The following WWOX variants were observed in gnomAD, a reference collection of about 807,000 sequenced individuals.
WWOX encodes WW domain-containing oxidoreductase.
In WWOX, 69 loss-of-function variants were observed where a neutral mutation model predicts 46.2. The ratio of observed to expected loss-of-function variants is 1.49; its 90% CI spans 1.23 to 1.82. The LOEUF (loss-of-function observed/expected upper bound fraction) is 1.82, where lower values mean the gene tolerates loss of function less well. Among genes scored for constraint, WWOX ranks in the 40% most tolerant of loss-of-function variants. WWOX has a pLI of 0.00. For synonymous variants in WWOX, 359 were observed against 202.6 expected (o/e 1.77, Z -6.56); for missense variants, 919 against 542.6 (o/e 1.69, Z -6.89).
At chr16:78,326,787 C>T (rs1008524717) in intron 5 of WWOX, among the ~76,000 whole-genome samples, 2 of 149,428 alleles carry the variant, frequency 1.3e-5, no homozygotes, top group African/African-American at 4.9e-5. Context: ...ACTTAAAATG[C>T]AGATATAACT....
chr16:78,481,762 T>TGCGC (rs200025808), intron 8 of WWOX, among the ~76,000 whole-genome samples: 54 of 147,270 alleles, frequency 3.7e-4, no homozygotes, highest in African/African-American at 1.4e-3. Context: ...TGTGTGTGTG[T>TGCGC]GTGCGCGCGC....
intron 8 of WWOX, among the ~76,000 whole-genome samples, chr16:78,736,423 C>A (rs532454049): frequency 1.3e-3 from 205 of 152,226 alleles, no homozygotes; most frequent in African/African-American, 4.7e-3. Context: ...TCTGACCAGG[C>A]CACCAACAGC....
intron 8 of WWOX, among the ~76,000 whole-genome samples, chr16:79,042,667 C>T (rs2047994032): frequency 6.6e-6 from 1 of 150,848 alleles, no homozygotes; most frequent in African/African-American, 2.4e-5. Context: ...TGCCAGTGGG[C>T]AGAAGGTTTT....
intron 5 of WWOX, among the ~76,000 whole-genome samples, chr16:78,192,740 T>C (rs1288262119): frequency 6.6e-6 from 1 of 152,218 alleles, no homozygotes; most frequent in Non-Finnish European, 1.5e-5. Flanking sequence ...CAGAATCTTT[T>C]TTTAAAAAAG....
At chr16:78,159,108 T>G (rs2034699925) in intron 4 of WWOX, among the ~76,000 whole-genome samples, 1 of 152,190 alleles carries the variant, frequency 6.6e-6, no homozygotes, top group Admixed American at 6.5e-5. Context: ...TAGCAGAATT[T>G]CCTTCATTCC....
chr16:78,389,176 G>A (rs1411677030), intron 6 of WWOX, among the ~76,000 whole-genome samples: 2 of 152,184 alleles, frequency 1.3e-5, no homozygotes, highest in African/African-American at 4.8e-5. Context: ...TGCAGCGCTT[G>A]GCTGTTAGTA....
At chr16:78,522,601 T>G (rs912609508) in intron 8 of WWOX, among the ~76,000 whole-genome samples, 1 of 152,216 alleles carries the variant, frequency 6.6e-6, no homozygotes, top group Admixed American at 6.5e-5. Flanking sequence ...TTCCTGTTTT[T>G]GATTAATATT....
intron 8 of WWOX, among the ~76,000 whole-genome samples, chr16:78,458,471 G>T (rs890694494): frequency 6.6e-6 from 1 of 151,868 alleles, no homozygotes; most frequent in Non-Finnish European, 1.5e-5. Context: ...ATGTTGCCCA[G>T]GCTGGTCTGG....
chr16:79,153,932 G>C (rs2050330769), intron 8 of WWOX, among the ~76,000 whole-genome samples: 1 of 150,868 alleles, frequency 6.6e-6, no homozygotes, highest in South Asian at 2.1e-4. Context: ...GGCCAGGCTG[G>C]ACTGTCCACA....
intron 8 of WWOX, among the ~76,000 whole-genome samples, chr16:78,651,586 C>T (rs1294093492): frequency 2.6e-5 from 4 of 152,172 alleles, no homozygotes; most frequent in African/African-American, 7.2e-5. Flanking sequence ...CATGCTTAGC[C>T]GTTCCTGCTT....
chr16:79,093,415 T>G lies in WWOX; in HGVS notation c.1057-118193T>G, dbSNP rs145782999. ...CAAAAAGAAATGTTCAGTGGCTTAT[T>G]GTGACCCAACATTTTTCTGTTTGAT... On this transcript the variant is annotated intron_variant, in intron 8 of 8. Transcript: ENST00000566780. 7.3e-4 allele frequency among the ~76,000 whole-genome samples: 111 copies of G among 152,348 alleles called. 1 individual carries two copies. Among genetic ancestry groups the G allele is most frequent in the African/African-American group, 2.6e-3 (108 of 41,574 alleles).
chr16:78,538,376 T>C lies in WWOX; in HGVS notation c.1056+105624T>C, dbSNP rs149280335. 9.8e-5 allele frequency among the ~76,000 whole-genome samples: 15 copies of C among 152,300 alleles called. No homozygotes were observed. In the East Asian group the frequency reaches 2.9e-3, roughly 29 times the overall value. On this transcript the variant is annotated intron_variant, in intron 8 of 8. Transcript: ENST00000566780. ...ATACATTGACGTTTGTTTAATATTT[T>C]AATTTCCCCATGAGTCTTAAACCTC...
At chr16:78,728,727 C>T (rs755367374) in intron 8 of WWOX, among the ~76,000 whole-genome samples, 3 of 152,156 alleles carry the variant, frequency 2.0e-5, no homozygotes, top group African/African-American at 7.2e-5. Context: ...TTTTCACATC[C>T]TATGATTCCA....
At chr16:78,955,091 G>A (rs13339612) in intron 8 of WWOX, among the ~76,000 whole-genome samples, 5,377 of 152,170 alleles carry the variant, frequency 0.035, 336 homozygotes, top group African/African-American at 0.12. Context: ...AGGAAACTCC[G>A]CAGAGAGAAA....
chr16:78,553,393 C>G (rs916616642), intron 8 of WWOX: 8 of 152,018 alleles, frequency 5.3e-5, no homozygotes, highest in African/African-American at 1.7e-4. Context: ...CTCTGGGACA[C>G]AGGGGTTGTC....
chr16:79,067,087 C>A (rs2048455142), intron 8 of WWOX, among the ~76,000 whole-genome samples: 1 of 152,152 alleles, frequency 6.6e-6, no homozygotes, highest in Non-Finnish European at 1.5e-5. Context: ...AGTGAGGTCT[C>A]CCTGAAAGGA....
chr16:79,088,120 A>C (rs1435626131), intron 8 of WWOX, among the ~76,000 whole-genome samples: 10 of 152,116 alleles, frequency 6.6e-5, no homozygotes, highest in African/African-American at 2.4e-4. Context: ...CAGGCTCCTG[A>C]AGGAGAACCA....
chr16:78,438,471 C>T (rs2083379394), intron 8 of WWOX, among the ~76,000 whole-genome samples: 2 of 148,002 alleles, frequency 1.4e-5, no homozygotes, highest in Non-Finnish European at 1.5e-5. Context: ...TTTTTTTTTC[C>T]ACATAAGCTT....
At chr16:78,412,433 G>C (rs2082703198) in intron 6 of WWOX, among the ~76,000 whole-genome samples, 1 of 152,212 alleles carries the variant, frequency 6.6e-6, no homozygotes, top group Non-Finnish European at 1.5e-5. Flanking sequence ...CTAAGGGTTT[G>C]AAGTCTTCAT....
Sources: gnomAD v4.1 joint callset for allele counts (sites outside exome capture counted in the v4.1 genomes callset) on GRCh38, gnomAD v4.1.1 for gene constraint, MANE v1.5 for transcripts, NCBI Gene and HGNC (gene_info 2026-07-23, HGNC 2026-07-21) for gene names.